Variants in ANO4 observed in about 807,000 individuals in gnomAD.
ANO4 encodes anoctamin-4.
A neutral mutation model predicts 141.9 loss-of-function variants in ANO4; 69 were observed. The observed-to-expected ratio is 0.49, with a 90% CI of 0.40 to 0.59. The LOEUF (loss-of-function observed/expected upper bound fraction) is 0.59. Ranked by LOEUF, ANO4 falls within the 20% of genes least tolerant of loss-of-function variation. The probability of loss-of-function intolerance (pLI) is 0.00; values close to 1 mark genes in which losing one functional copy is unlikely to be tolerated. For synonymous variants in ANO4, 350 were observed against 394.3 expected, an observed-to-expected ratio of 0.89 and a Z score of 1.33; for missense variants, 894 against 1,162.2, an observed-to-expected ratio of 0.77 and a Z score of 3.36.
chr12:101,035,603 G>A (rs2047161898), intron 9 of ANO4, among the ~76,000 whole-genome samples: 1 of 152,136 alleles, frequency 6.6e-6, no homozygotes. Flanking sequence ...TGAGTCCTGA[G>A]GACAAGAGAA....
At chr12:100,950,602 G>A (rs2042933157) in intron 5 of ANO4, among the ~76,000 whole-genome samples, 1 of 152,168 alleles carries the variant, frequency 6.6e-6, no homozygotes, top group Non-Finnish European at 1.5e-5. Context: ...GAGCAGAAGA[G>A]AACAGCTAAG....
chr12:100,846,836 G>A (rs187219065), intron 1 of ANO4, among the ~76,000 whole-genome samples: 10 of 151,872 alleles, frequency 6.6e-5, no homozygotes, highest in South Asian at 2.1e-4. Context: ...GTTTTATCTC[G>A]TTTCTATACA....
chr12:100,734,998 G>A (rs548043566), intron 2 of ANO4, among the ~76,000 whole-genome samples: 9 of 152,236 alleles, frequency 5.9e-5, no homozygotes, highest in Non-Finnish European at 1.2e-4. Flanking sequence ...TAATGCAATG[G>A]GGTACTGGCT....
chr12:100,958,673 C>T (rs547066319), intron 5 of ANO4, among the ~76,000 whole-genome samples: 35 of 152,094 alleles, frequency 2.3e-4, no homozygotes, highest in African/African-American at 8.4e-4. Context: ...ATGGTGAAAC[C>T]TTGTCTCTAC....
intron 1 of ANO4, chr12:100,842,347 A>C (rs2037314522): frequency 1.3e-5 from 2 of 150,734 alleles, no homozygotes; most frequent in South Asian, 4.2e-4. Context: ...TGACCACATT[A>C]TTTTCTCTGG....
At chr12:100,944,705 C>T (rs897417496) in intron 5 of ANO4, among the ~76,000 whole-genome samples, 1 of 152,186 alleles carries the variant, frequency 6.6e-6, no homozygotes, top group Non-Finnish European at 1.5e-5. Context: ...CTCTGCTTTG[C>T]ATCTTCGTGG....
intron 15 of ANO4, among the ~76,000 whole-genome samples, chr12:101,079,513 A>G (rs1054297313): frequency 2.6e-5 from 4 of 152,144 alleles, no homozygotes; most frequent in Non-Finnish European, 5.9e-5. Context: ...ACTTGTAGGT[A>G]GAGGCACCAG....
At chr12:101,018,426 G>C (rs1229532279) in intron 8 of ANO4, among the ~76,000 whole-genome samples, 1 of 152,166 alleles carries the variant, frequency 6.6e-6, no homozygotes, top group African/African-American at 2.4e-5. Context: ...AAAAGTGAGA[G>C]AAAAATACTT....
In ANO4 at chr12:100,974,897, G is replaced by T; in HGVS notation, c.602+8G>T. 1 of 1,613,942 alleles carries T rather than the reference G, an allele frequency of 6.2e-7. No homozygotes were observed. The highest frequency in any genetic ancestry group is 8.5e-7 in the Non-Finnish European group (1 of 1,179,874). ...TTACAAGTTCATGAGCAGGTTAGTA[G>T]CACGCTCTGTCCTGACAGTGTTTGT... On this transcript the variant is annotated splice_region_variant and intron_variant, in intron 7 of 27. Transcript: ENST00000392977.
At chr12:100,721,359 G>T (rs1427810093) in intron 1 of ANO4, among the ~76,000 whole-genome samples, 1 of 152,174 alleles carries the variant, frequency 6.6e-6, no homozygotes, top group African/African-American at 2.4e-5. Context: ...GAATTATAAT[G>T]CAGTGTTGTA....
At chr12:100,800,737 A>G (rs574607336) in intron 1 of ANO4, among the ~76,000 whole-genome samples, 31 of 152,334 alleles carry the variant, frequency 2.0e-4, no homozygotes, top group African/African-American at 7.5e-4. Flanking sequence ...TCCATGGAAC[A>G]AATCACAGAT....
At chr12:100,873,617 C>T (rs1210791639) in intron 1 of ANO4, among the ~76,000 whole-genome samples, 1 of 152,182 alleles carries the variant, frequency 6.6e-6, no homozygotes, top group Non-Finnish European at 1.5e-5. Flanking sequence ...CTGCTTCTAG[C>T]AGCCCATATT....
intron 5 of ANO4, among the ~76,000 whole-genome samples, chr12:100,962,290 G>A (rs2043457568): frequency 6.6e-6 from 1 of 152,184 alleles, no homozygotes; most frequent in African/African-American, 2.4e-5. Context: ...CCTTCTCAAT[G>A]ACTGTGTGCT....
At chr12:100,803,184 T>A (rs2034798211) in intron 1 of ANO4, among the ~76,000 whole-genome samples, 1 of 152,168 alleles carries the variant, frequency 6.6e-6, no homozygotes, top group Non-Finnish European at 1.5e-5. Context: ...TGGGGTGTTC[T>A]GAGAGGATGG....
Position 101,020,166 on chromosome 12 carries a change from C to A in ANO4, c.841+26C>A, listed in dbSNP as rs769529289. ...GTAAGTAGTATGTTAGTATAACAAACTACATTTGGCATTTGGGAATTACAG... is the reference window on the plus strand; with the variant it reads ...GTAAGTAGTATGTTAGTATAACAAAATACATTTGGCATTTGGGAATTACAG... On this transcript the variant is annotated intron_variant, in intron 9 of 27. Coordinates refer to ENST00000392977, the MANE Select transcript of ANO4 (RefSeq NM_001286615.2). 9 of 1,487,954 alleles carry A rather than the reference C, an allele frequency of 6.0e-6. No individual in the cohort carries two copies. In the South Asian group the frequency reaches 1.0e-4, roughly 17 times the overall value. The allele number at this position is 1,487,954 out of a possible 1,614,324, so 92.2% of individuals were successfully genotyped here.
At position 100,781,466 on chromosome 12, in the gene ANO4, C is replaced by T. The variant is rs79754949; in HGVS notation, c.358+41361C>T. On this transcript the variant is annotated intron_variant, in intron 3 of 29. Transcript: ENST00000644049. The stretch of plus-strand genomic sequence containing the variant: ...TGAGGTTTCCATATATGCCTGTGCC[C>T]ATAGAATGGTCTTATAGTCCCCCTG... 3.0e-3 allele frequency among the ~76,000 whole-genome samples: 459 copies of T among 152,224 alleles called. 3 individuals are homozygous for T. The highest frequency in any genetic ancestry group is 0.011 in the African/African-American group (444 of 41,522).
intron 3 of ANO4, among the ~76,000 whole-genome samples, chr12:100,925,976 C>G (rs890618380): frequency 6.6e-6 from 1 of 151,754 alleles, no homozygotes; most frequent in South Asian, 2.1e-4. Context: ...GGTGTTTTCC[C>G]AAAGTATCTC....
chr12:100,922,468 C>A (rs2041674803), intron 3 of ANO4, 138 bp downstream of exon 3: 2 of 588,810 alleles, frequency 3.4e-6, no homozygotes, highest in Non-Finnish European at 5.6e-6. Flanking sequence ...AGATACTGTG[C>A]AAAATAATTT....
At chr12:101,064,659 GTAT>G (rs759340286) in intron 14 of ANO4, among the ~76,000 whole-genome samples, 4,107 of 107,160 alleles carry the variant, frequency 0.038, 68 homozygotes, top group African/African-American at 0.061. Flanking sequence ...AGAACTTAAA[GTAT>G]TATAATAATA....
Sources: allele counts gnomAD v4.1 joint callset (sites outside exome capture counted in the v4.1 genomes callset), GRCh38; gene constraint gnomAD v4.1.1; transcripts MANE v1.5; gene names NCBI Gene and HGNC (gene_info 2026-07-23, HGNC 2026-07-21).